GOLGA8S: variants seen among roughly 807,000 people sequenced by gnomAD.
The protein encoded by GOLGA8S is golgin subfamily A member 8S.
GOLGA8S carries 23 observed loss-of-function variants against 58.9 expected under a neutral mutation model. The observed-to-expected ratio is 0.39, with a 90% CI of 0.28 to 0.55. The LOEUF is 0.55. Among genes scored for constraint, GOLGA8S ranks in the 20% least tolerant of loss-of-function variants. GOLGA8S has a pLI of 0.63. For missense variants in GOLGA8S, 266 were observed against 514.2 expected (o/e 0.52, Z 4.67); for synonymous variants, 84 against 195.7 (o/e 0.43, Z 4.76).
exon 12 of GOLGA8S, chr15:23,361,413 G>C (rs774523596): frequency 3.8e-5 from 35 of 916,490 alleles, no homozygotes; most frequent in African/African-American, 2.4e-4. Context: ...CAGGAGGAGA[G>C]GCTTCAGCAG....
intron 1 of GOLGA8S, among the ~76,000 whole-genome samples, 177 bp from the exon 2 acceptor site, chr15:23,356,414 T>C (rs2069689495): frequency 1.6e-5 from 2 of 126,942 alleles, no homozygotes; most frequent in African/African-American, 5.2e-5. Flanking sequence ...CTTCTTTTTT[T>C]TTCTAGCCAT....
At chr15:23,366,056 C>T (rs1378867033), downstream of GOLGA8S, 1 of 150,674 alleles carries the variant, frequency 6.6e-6, no homozygotes, top group African/African-American at 2.4e-5. Flanking sequence ...ACTCAGAGTT[C>T]ATGTTACCTG....
exon 19 of GOLGA8S, chr15:23,365,085 G>A: frequency 6.3e-7 from 1 of 1,582,366 alleles, no homozygotes. Context: ...GGCAACAACT[G>A]CTGTGTGCCA....
chr15:23,363,242 TACGGGAG>T lies in GOLGA8S; in HGVS notation c.1255+5_1255+11del, dbSNP rs2069834403. ...GCCTCATGGCTCTCCCTGGGGAAGGTACGGGAGACCGCTCAGAGGAAGAGGAGAGAGC... is the reference window on the plus strand; with the variant it reads ...GCCTCATGGCTCTCCCTGGGGAAGGTACCGCTCAGAGGAAGAGGAGAGAGC... On this transcript the variant is annotated splice_donor_5th_base_variant and intron_variant, in intron 14 of 18. Transcript: ENST00000562295. 1.7e-6 allele frequency: 1 copy of T among 583,514 alleles called. No individual in the cohort carries two copies. The highest frequency in any genetic ancestry group is 3.0e-6 in the Non-Finnish European group (1 of 335,828). The allele number at this position is 583,514 out of a possible 1,614,324, so 36.1% of individuals were successfully genotyped here. A position where few individuals can be genotyped will look rare whatever the true frequency, so the allele number is the denominator to read the frequency against.
chr15:23,364,204 G>T (rs1023381098), intron 15 of GOLGA8S, 139 bp from the exon 16 acceptor site: 20 of 1,473,230 alleles, frequency 1.4e-5, no homozygotes, highest in East Asian at 7.5e-5. Flanking sequence ...GTCTGTGAGT[G>T]GGGAGACCCA....
chr15:23,363,706 G>T lies in GOLGA8S; in HGVS notation c.1284G>T (p.Glu428Asp), dbSNP rs746233079. The T allele has an allele frequency of 1.4e-5, 7 of 502,878 alleles. 2 individuals carry two copies. The highest frequency in any genetic ancestry group is 2.4e-5 in the Non-Finnish European group (7 of 292,904). 31.2% of individuals were successfully genotyped at this position (502,878 alleles called of 1,614,324 possible). A position where few individuals can be genotyped will look rare whatever the true frequency, so the allele number is the denominator to read the frequency against. Reference sequence around the variant, plus strand: ...ATGGAGGAGGACATCTGGACAGTGAGGGGGAGGAGGCACCTCGGCCCATTC... The same window carrying T: ...ATGGAGGAGGACATCTGGACAGTGATGGGGAGGAGGCACCTCGGCCCATTC... The change falls in exon 15 of 19, where the codon GAG becomes GAT. Residue 428 changes from glutamate (E) to aspartate (D), a missense_variant. Physicochemically the swap from Glu to Asp is conservative, Grantham distance 45. Coordinates refer to ENST00000562295, the Ensembl canonical transcript of GOLGA8S.
intron 8 of GOLGA8S, among the ~76,000 whole-genome samples, 192 bp downstream of exon 8, chr15:23,359,401 C>G (rs2069746148): frequency 6.8e-6 from 1 of 146,428 alleles, no homozygotes; most frequent in South Asian, 2.2e-4. Context: ...GGGGGGCACT[C>G]TGGGGACAAA....
chr15:23,357,797 C>T lies in GOLGA8S; in HGVS notation c.309+178C>T, dbSNP rs182845605. Among the ~76,000 whole-genome samples, 1,422 of 149,142 alleles carry T rather than the reference C, an allele frequency of 9.5e-3. 58 individuals carry two copies. The highest frequency in any genetic ancestry group is 0.032 in the African/African-American group (1,309 of 40,280). ...ATGCAGCATGGCTCTTTTTTTGCTG[C>T]CCTGTTTGCTGACTCTCCCCTCTCC... On this transcript the variant is annotated intron_variant, in intron 4 of 18. Transcript: ENST00000562295.
rs561969230 is a variant in GOLGA8S at position 23,361,119 on chromosome 15, C to T, written c.875-102C>T. Reference sequence around the variant, plus strand: ...TTTGAGGAGCCGGAGAGGAGCTGTGCGCCAAGAGGAGGGTTTTTTCTTTTC... The same window carrying T: ...TTTGAGGAGCCGGAGAGGAGCTGTGTGCCAAGAGGAGGGTTTTTTCTTTTC... On this transcript the variant is annotated intron_variant, in intron 11 of 18. Coordinates refer to ENST00000562295, the Ensembl canonical transcript of GOLGA8S. 2.5e-5 allele frequency: 26 copies of T among 1,020,054 alleles called. 1 individual carries two copies. Among genetic ancestry groups the T allele is most frequent in the Middle Eastern group, 6.5e-4 (2 of 3,066 alleles). The allele number at this position is 1,020,054 out of a possible 1,614,324, so 63.2% of individuals were successfully genotyped here.
downstream of GOLGA8S, among the ~76,000 whole-genome samples, chr15:23,368,154 A>G (rs2069951029): frequency 6.6e-6 from 1 of 152,000 alleles, no homozygotes; most frequent in Non-Finnish European, 1.5e-5. Flanking sequence ...TGCCAATTCC[A>G]GTCCAAAGCT....
chr15:23,361,146 T>A, intron 11 of GOLGA8S, 75 bp from the exon 12 acceptor site: 1 of 975,396 alleles, frequency 1.0e-6, no homozygotes, highest in East Asian at 2.5e-5. Context: ...TTTCTTTTCT[T>A]TTCTTTTCTT....
chr15:23,359,520 A>G (rs2069748650), intron 8 of GOLGA8S, among the ~76,000 whole-genome samples: 3 of 143,230 alleles, frequency 2.1e-5, no homozygotes, highest in Admixed American at 2.1e-4. Context: ...AAGGTACAGA[A>G]GAGTACCTTT....
chr15:23,362,397 C>CAAA (rs1327549533), intron 13 of GOLGA8S, among the ~76,000 whole-genome samples: 2 of 135,616 alleles, frequency 1.5e-5, no homozygotes, highest in Non-Finnish European at 3.2e-5. Flanking sequence ...CAAAACAAAA[C>CAAA]AAAAAGACTC....
chr15:23,358,367 C>A (rs2069721366), intron 4 of GOLGA8S, 105 bp from the exon 5 acceptor site: 1 of 690,944 alleles, frequency 1.4e-6, no homozygotes, highest in Admixed American at 2.2e-5. Context: ...GGTCTGAGAA[C>A]TTTGCCTTTA....
intron 11 of GOLGA8S, 47 bp from the exon 12 acceptor site, chr15:23,361,174 T>TTTTCTTTTCTTTTCTTTTCTTTTCTTTC (rs2069789477): frequency 1.2e-6 from 1 of 856,486 alleles, no homozygotes; most frequent in Non-Finnish European, 1.7e-6. Context: ...CTTTTCTTTT[T>TTTTCTTTTCTTTTCTTTTCTTTTCTTTC]TTTTTTTTGG....
At chr15:23,365,466 G>A (rs905757674), downstream of GOLGA8S, 34 of 429,250 alleles carry the variant, frequency 7.9e-5, 1 homozygote, top group African/African-American at 6.1e-4. Context: ...TGTTCTCGCT[G>A]GTTTGGAATA....
chr15:23,359,888 C>A (rs1212568330), intron 8 of GOLGA8S, among the ~76,000 whole-genome samples: 3 of 147,916 alleles, frequency 2.0e-5, no homozygotes. Context: ...CAATAGAGGT[C>A]ATCATAGTAA....
downstream of GOLGA8S, among the ~76,000 whole-genome samples, chr15:23,367,801 T>C (rs2069945824): frequency 6.6e-6 from 1 of 151,922 alleles, no homozygotes; most frequent in Non-Finnish European, 1.5e-5. Context: ...TGAGTTCCAC[T>C]GAATACATTT....
chr15:23,364,427 C>T lies in GOLGA8S; in HGVS notation c.1432C>T (p.Gln478Ter), dbSNP rs756055157. Residue 478 changes from glutamine to a stop codon, truncating the protein, a stop_gained, in exon 16 of 19, where the codon CAA becomes TAA. Transcript: ENST00000562295. LOFTEE classifies it high-confidence loss of function. ...AGAACTTCGCTTCATTCAATACTGG[C>T]AAGAGAGATGCCATCAGTGAGTGGG... 2.5e-6 allele frequency: 4 copies of T among 1,604,840 alleles called. No individual in the cohort carries two copies. The highest frequency in any genetic ancestry group is 2.2e-5 in the East Asian group (1 of 44,842).
Sources: allele counts gnomAD v4.1 joint callset (sites outside exome capture counted in the v4.1 genomes callset), GRCh38; gene constraint gnomAD v4.1.1; transcripts MANE v1.5; gene names NCBI Gene and HGNC (gene_info 2026-07-23, HGNC 2026-07-21).